The following KCNQ3 variants were observed in gnomAD, a reference collection of about 807,000 sequenced individuals.
The protein encoded by KCNQ3 is potassium voltage-gated channel subfamily Q member 3, also known as potassium voltage-gated channel subfamily KQT member 3.
In KCNQ3, 30 loss-of-function variants were observed where a neutral mutation model predicts 92.5. That is an observed-to-expected ratio of 0.32 (90% CI 0.24 to 0.44). The LOEUF is 0.44. Ranked by LOEUF, KCNQ3 falls within the 20% of genes least tolerant of loss-of-function variation. The probability of loss-of-function intolerance (pLI) is 1.00; values close to 1 mark genes in which losing one functional copy is unlikely to be tolerated. For missense variants in KCNQ3, 913 were observed against 1,140.3 expected, an observed-to-expected ratio of 0.80 and a Z score of 2.87; for synonymous variants, 450 against 468.8, an observed-to-expected ratio of 0.96 and a Z score of 0.52.
At chr8:132,322,697 C>T (rs1403807458) in intron 1 of KCNQ3, among the ~76,000 whole-genome samples, 1 of 152,186 alleles carries the variant, frequency 6.6e-6, no homozygotes, top group Non-Finnish European at 1.5e-5. Context: ...TGCCTCTATA[C>T]TCACTTGCTC....
chr8:132,260,711 C>T (rs1422569883), intron 1 of KCNQ3, among the ~76,000 whole-genome samples: 6 of 152,182 alleles, frequency 3.9e-5, no homozygotes, highest in Admixed American at 6.5e-5. Flanking sequence ...TGCTTGGAAC[C>T]GCCTCAGTTT....
chr8:132,466,928 G>C (rs1587049029), intron 1 of KCNQ3, among the ~76,000 whole-genome samples: 1 of 152,278 alleles, frequency 6.6e-6, no homozygotes, highest in African/African-American at 2.4e-5. Context: ...GAGAGCAACT[G>C]TGTGGTAAAT....
intron 11 of KCNQ3, among the ~76,000 whole-genome samples, chr8:132,139,667 C>T (rs912983418): frequency 3.9e-5 from 6 of 151,966 alleles, no homozygotes; most frequent in East Asian, 1.9e-4. Flanking sequence ...GTTAAAAATG[C>T]GAACTAATTA....
At chr8:132,401,280 C>T (rs1276376133) in intron 1 of KCNQ3, among the ~76,000 whole-genome samples, 1 of 152,182 alleles carries the variant, frequency 6.6e-6, no homozygotes, top group East Asian at 1.9e-4. Flanking sequence ...ATGAAATCCA[C>T]TCCACTGTGG....
intron 1 of KCNQ3, among the ~76,000 whole-genome samples, chr8:132,233,359 G>T (rs1454157860): frequency 6.6e-6 from 1 of 152,046 alleles, no homozygotes; most frequent in Non-Finnish European, 1.5e-5. Flanking sequence ...AAATTCTATA[G>T]GTCCATTCCA....
chr8:132,465,426 TA>T (rs35965901), intron 1 of KCNQ3, among the ~76,000 whole-genome samples: 7 of 151,612 alleles, frequency 4.6e-5, no homozygotes, highest in African/African-American at 1.7e-4. Flanking sequence ...AAAACAATTT[TA>T]AAAAAATAGC....
At chr8:132,243,145 A>C (rs1422149518) in intron 1 of KCNQ3, among the ~76,000 whole-genome samples, 1 of 152,222 alleles carries the variant, frequency 6.6e-6, no homozygotes, top group East Asian at 1.9e-4. Context: ...TCCCAGCTCA[A>C]TTCTGGAAAC....
Position 132,128,974 on chromosome 8 carries a change from A to G in KCNQ3, c.*288T>C. The G allele has an allele frequency of 2.1e-6, 1 of 467,824 alleles. No individual in the cohort carries two copies. Among genetic ancestry groups the G allele is most frequent in the Non-Finnish European group, 3.9e-6 (1 of 256,332 alleles). The allele number at this position is 467,824 out of a possible 1,614,324, so 29.0% of individuals were successfully genotyped here. A position where few individuals can be genotyped will look rare whatever the true frequency, so the allele number is the denominator to read the frequency against. On this transcript the variant is annotated 3_prime_UTR_variant, in exon 15 of 15. Transcript: ENST00000388996. The stretch of plus-strand genomic sequence containing the variant: ...AGTAATTTCTCCCTGTACTGGTCCA[A>G]TCGTGATTAAAAGTAAGAACAGCAG...
At chr8:132,335,948 G>A (rs573924272) in intron 1 of KCNQ3, among the ~76,000 whole-genome samples, 2 of 152,138 alleles carry the variant, frequency 1.3e-5, no homozygotes, top group African/African-American at 4.8e-5. Context: ...CCTTGTGCTG[G>A]AGCCTTTTCT....
At chr8:132,406,350 C>T (rs777207167) in intron 1 of KCNQ3, among the ~76,000 whole-genome samples, 25 of 152,108 alleles carry the variant, frequency 1.6e-4, no homozygotes, top group Non-Finnish European at 2.8e-4. Context: ...TGGAGAACTT[C>T]GACATTTCAA....
chr8:132,480,470 T>C lies in KCNQ3; in HGVS notation c.63A>G (p.Gly21=), dbSNP rs1242518555. 1 of 1,243,790 alleles carries C rather than the reference T, an allele frequency of 8.0e-7. No individual in the cohort carries two copies. The highest frequency in any genetic ancestry group is 1.0e-6 in the Non-Finnish European group (1 of 999,746). The allele number at this position is 1,243,790 out of a possible 1,614,324, so 77.0% of individuals were successfully genotyped here. The change falls in exon 1 of 15, where the codon GGA becomes GGG. Residue 21 remains glycine (G), a synonymous_variant. Coordinates refer to ENST00000388996, the MANE Select transcript of KCNQ3 (RefSeq NM_004519.4). The part of the protein sequence containing the change: ...AAGGGGDGGG[G]GGGAANPAGG... ...CGGCTGGGTTAGCCGCCCCGCCGCC[T>C]CCGCCGCCCCCGTCGCCGCCGCCGC...
intron 1 of KCNQ3, among the ~76,000 whole-genome samples, chr8:132,276,702 C>A (rs956335033): frequency 1.3e-5 from 2 of 152,188 alleles, no homozygotes; most frequent in African/African-American, 4.8e-5. Context: ...ATGGTCAGCA[C>A]CATCCACCCC....
At chr8:132,407,186 C>G (rs1467850526) in intron 1 of KCNQ3, among the ~76,000 whole-genome samples, 1 of 152,280 alleles carries the variant, frequency 6.6e-6, no homozygotes, top group South Asian at 2.1e-4. Flanking sequence ...CCAGTTTCAC[C>G]CCAGGAGCAG....
chr8:132,214,739 A>T (rs1255810724), intron 1 of KCNQ3, among the ~76,000 whole-genome samples: 1 of 152,216 alleles, frequency 6.6e-6, no homozygotes, highest in African/African-American at 2.4e-5. Context: ...TCCCCTACAA[A>T]TCTGCCAGGC....
chr8:132,430,862 G>C (rs1821231294), intron 1 of KCNQ3, among the ~76,000 whole-genome samples: 1 of 152,228 alleles, frequency 6.6e-6, no homozygotes, highest in East Asian at 1.9e-4. Context: ...GTTTGTCCCT[G>C]ATGTCTCCTT....
intron 1 of KCNQ3, among the ~76,000 whole-genome samples, chr8:132,360,505 G>A (rs1430168612): frequency 1.3e-5 from 2 of 152,156 alleles, no homozygotes; most frequent in Non-Finnish European, 2.9e-5. Flanking sequence ...AGGGGTTCAG[G>A]AACCTCTGGT....
chr8:132,290,674 T>C (rs1234564374), intron 1 of KCNQ3, among the ~76,000 whole-genome samples: 1 of 152,156 alleles, frequency 6.6e-6, no homozygotes, highest in African/African-American at 2.4e-5. Context: ...GTTTCGTGGA[T>C]GTTTTAAATT....
chr8:132,234,108 G>GC (rs979511010), intron 1 of KCNQ3, among the ~76,000 whole-genome samples: 1 of 152,080 alleles, frequency 6.6e-6, no homozygotes, highest in African/African-American at 2.4e-5. Flanking sequence ...TATGTCTGTA[G>GC]TTTTTTTGCA....
At chr8:132,150,280 G>A (rs547230415) in intron 9 of KCNQ3, among the ~76,000 whole-genome samples, 21 of 152,304 alleles carry the variant, frequency 1.4e-4, no homozygotes, top group Admixed American at 8.5e-4. Context: ...CCTTGAGGGC[G>A]TGGCCTGTAA....
Sources: allele counts gnomAD v4.1 joint callset (sites outside exome capture counted in the v4.1 genomes callset), GRCh38; gene constraint gnomAD v4.1.1; transcripts MANE v1.5; gene names NCBI Gene and HGNC (gene_info 2026-07-23, HGNC 2026-07-21).